Variants in ELMO1 observed in about 807,000 individuals in gnomAD.
ELMO1 encodes engulfment and cell motility 1.
Under a neutral mutation model 98.9 loss-of-function variants are expected in ELMO1, and 26 were observed. The ratio of observed to expected loss-of-function variants is 0.26; its 90% confidence interval spans 0.19 to 0.36. ELMO1 has a LOEUF of 0.36. Among genes scored for constraint, ELMO1 ranks in the 10% least tolerant of loss-of-function variants. The pLI, the probability that ELMO1 is intolerant of heterozygous loss-of-function variation, is 1.00. For synonymous variants in ELMO1, 346 were observed against 346.0 expected (o/e 1.00, Z 0.00); for missense variants, 627 against 935.2 (o/e 0.67, Z 4.30).
intron 16 of ELMO1, among the ~76,000 whole-genome samples, chr7:36,962,700 C>A (rs1241448586): frequency 2.0e-5 from 3 of 152,080 alleles, no homozygotes; most frequent in Admixed American, 2.0e-4. Context: ...AAAAGCACAA[C>A]AAAGGAAATC....
intron 14 of ELMO1, among the ~76,000 whole-genome samples, chr7:37,098,476 G>A (rs944286873): frequency 5.9e-5 from 9 of 152,132 alleles, no homozygotes; most frequent in Admixed American, 3.9e-4. Flanking sequence ...GAAGGTTCTC[G>A]GACTATTGAG....
Position 37,133,186 on chromosome 7 carries a change from A to G in ELMO1, c.1135T>C (p.Leu379=), listed in dbSNP as rs749453235. The change falls in exon 14 of 22, where the codon TTG becomes CTG. Residue 379 remains leucine, a synonymous_variant. Coordinates refer to ENST00000310758, the MANE Select transcript of ELMO1 (RefSeq NM_014800.11). ...MDFTQTPPGM[L]ALDNMLYFAK... is the part of the protein sequence containing the mutation. The stretch of plus-strand genomic sequence containing the variant: ...AAGTACAGCATGTTGTCCAGAGCCA[A>G]CATCCCAGGTGGAGTCTGCGTGAAG... The G allele has an allele frequency of 6.2e-7, 1 of 1,613,274 alleles. No individual in the cohort carries two copies. The highest frequency in any genetic ancestry group is 1.1e-5 in the South Asian group (1 of 90,848).
intron 1 of ELMO1, among the ~76,000 whole-genome samples, chr7:37,371,818 A>G (rs929549840): frequency 6.6e-6 from 1 of 152,282 alleles, no homozygotes; most frequent in Non-Finnish European, 1.5e-5. Flanking sequence ...CCCTGCATTT[A>G]GTCATCACTC....
At chr7:37,198,009 T>C (rs943625718) in intron 13 of ELMO1, among the ~76,000 whole-genome samples, 1 of 152,218 alleles carries the variant, frequency 6.6e-6, no homozygotes, top group Non-Finnish European at 1.5e-5. Flanking sequence ...TTAATATATG[T>C]TGTGGTTTTG....
At chr7:36,989,855 A>ATTG (rs763175695) in intron 16 of ELMO1, among the ~76,000 whole-genome samples, 1 of 152,198 alleles carries the variant, frequency 6.6e-6, no homozygotes, top group Admixed American at 6.5e-5. Context: ...ATGTATTATT[A>ATTG]TTGTTGACAC....
chr7:37,211,558 AGCT>A, intron 12 of ELMO1, 41 bp from the exon 13 acceptor site: 1 of 1,604,538 alleles, frequency 6.2e-7, no homozygotes, highest in Non-Finnish European at 8.5e-7. Flanking sequence ...GAGGGGAAAA[AGCT>A]GCTTTCATTG....
chr7:36,975,227 T>G (rs1028651520), intron 16 of ELMO1, among the ~76,000 whole-genome samples: 4 of 152,344 alleles, frequency 2.6e-5, no homozygotes, highest in African/African-American at 9.6e-5. Flanking sequence ...CCCAGCACTT[T>G]GGGAGGCCAA....
intron 1 of ELMO1, among the ~76,000 whole-genome samples, chr7:37,349,093 G>T (rs1295665792): frequency 1.3e-5 from 2 of 152,168 alleles, no homozygotes; most frequent in East Asian, 3.9e-4. Context: ...CCCAACAGAT[G>T]GGCCAGTGGA....
intron 14 of ELMO1, among the ~76,000 whole-genome samples, chr7:37,104,124 T>C (rs1784813564): frequency 1.3e-5 from 2 of 151,144 alleles, no homozygotes; most frequent in East Asian, 1.9e-4. Context: ...AACTTCCAGT[T>C]TGGAAATGAC....
At chr7:37,163,312 G>T (rs1789360144) in intron 13 of ELMO1, among the ~76,000 whole-genome samples, 1 of 147,484 alleles carries the variant, frequency 6.8e-6, no homozygotes, top group Non-Finnish European at 1.5e-5. Context: ...TAAATATCAG[G>T]TATTATAGGG....
At chr7:37,361,782 A>C in intron 1 of ELMO1, among the ~76,000 whole-genome samples, 1 of 151,720 alleles carries the variant, frequency 6.6e-6, no homozygotes. Context: ...AACACAGGGA[A>C]ACCCTGTTTC....
chr7:37,041,574 G>T (rs1039324603), intron 15 of ELMO1, among the ~76,000 whole-genome samples: 2 of 152,178 alleles, frequency 1.3e-5, no homozygotes, highest in Admixed American at 6.5e-5. Context: ...AGGAAGCGGG[G>T]AGACACTGTT....
At chr7:37,225,910 G>GCT (rs140465489) in intron 8 of ELMO1, among the ~76,000 whole-genome samples, 1,728 of 152,276 alleles carry the variant, frequency 0.011, 32 homozygotes, top group African/African-American at 0.036. Context: ...CATAATGACT[G>GCT]TTCTTAAAAG....
At chr7:37,433,718 G>A (rs1805027595) in intron 1 of ELMO1, among the ~76,000 whole-genome samples, 2 of 152,066 alleles carry the variant, frequency 1.3e-5, no homozygotes, top group Admixed American at 6.6e-5. Context: ...GTGCCTCAAG[G>A]AAAGCCCCCC....
At chr7:37,077,992 T>A (rs1797673998) in intron 15 of ELMO1, among the ~76,000 whole-genome samples, 1 of 152,212 alleles carries the variant, frequency 6.6e-6, no homozygotes, top group South Asian at 2.1e-4. Flanking sequence ...AAGTAATGTC[T>A]ATTCATTATC....
intron 5 of ELMO1, 67 bp downstream of exon 5, chr7:37,271,765 A>G: frequency 6.5e-7 from 1 of 1,531,100 alleles, no homozygotes; most frequent in Non-Finnish European, 8.9e-7. Flanking sequence ...TTAATATCCC[A>G]CAATCACATA....
At chr7:37,240,040 T>C (rs1361221389) in intron 7 of ELMO1, among the ~76,000 whole-genome samples, 1 of 127,480 alleles carries the variant, frequency 7.8e-6, no homozygotes, top group Non-Finnish European at 1.6e-5. Flanking sequence ...TTCTTTTTTT[T>C]TTTCTTTTTT....
In ELMO1 at chr7:37,150,506, T is replaced by G. The variant is rs543837671; in HGVS notation, c.1087-17272A>C. 1.2e-3 allele frequency among the ~76,000 whole-genome samples: 188 copies of G among 152,230 alleles called. 2 individuals are homozygous for G. Among genetic ancestry groups the G allele is most frequent in the Admixed American group, 2.3e-3 (35 of 15,284 alleles). ...TGTAGGGAACACTATGCAACATTTATGTGCATAGAGTATTTACTTATGATG... is the reference window on the plus strand; with the variant it reads ...TGTAGGGAACACTATGCAACATTTAGGTGCATAGAGTATTTACTTATGATG... On this transcript the variant is annotated intron_variant, in intron 13 of 21. Transcript: ENST00000310758.
intron 13 of ELMO1, among the ~76,000 whole-genome samples, chr7:37,198,326 T>C (rs531483531): frequency 1.3e-5 from 2 of 152,352 alleles, no homozygotes; most frequent in South Asian, 4.1e-4. Flanking sequence ...TCATCTGGGT[T>C]ACTGTAAATG....
Sources: allele counts gnomAD v4.1 joint callset (sites outside exome capture counted in the v4.1 genomes callset), GRCh38; gene constraint gnomAD v4.1.1; transcripts MANE v1.5; gene names NCBI Gene and HGNC (gene_info 2026-07-23, HGNC 2026-07-21).